ANK3: variants seen among roughly 807,000 people sequenced by gnomAD.
ANK3 encodes ankyrin-3.
In ANK3, 57 loss-of-function variants were observed where a neutral mutation model predicts 370.9. The ratio of observed to expected loss-of-function variants is 0.15; its 90% CI spans 0.12 to 0.19. ANK3 has a LOEUF of 0.19. Ranked by LOEUF, ANK3 falls within the 10% of genes least tolerant of loss-of-function variation. ANK3 has a pLI of 1.00. For synonymous variants in ANK3, 1,929 were observed against 1,946.3 expected (o/e 0.99, Z 0.23); for missense variants, 4,439 against 5,302.1 (o/e 0.84, Z 5.06).
rs1243830436 is a variant in ANK3 at position 60,205,780 on chromosome 10, A to G, written c.1293+12T>C. 6.2e-7 allele frequency: 1 copy of G among 1,600,248 alleles called. No individual in the cohort carries two copies. Among genetic ancestry groups the G allele is most frequent in the African/African-American group, 1.3e-5 (1 of 74,636 alleles). Reference sequence around the variant, plus strand: ...GTATCTCAGGACTCCCAGAAATCTTAACTCTTCTCACCTCGGTTACAGCTT... The same window carrying G: ...GTATCTCAGGACTCCCAGAAATCTTGACTCTTCTCACCTCGGTTACAGCTT... On this transcript the variant is annotated intron_variant, in intron 11 of 43. Coordinates refer to ENST00000280772, the MANE Select transcript of ANK3 (RefSeq NM_020987.5).
rs1490408056 is a variant in ANK3 at position 60,055,710 on chromosome 10, T to G, written c.13013A>C (p.Lys4338Thr). The G allele has an allele frequency of 1.2e-6, 2 of 1,613,988 alleles. No homozygotes were observed. Among genetic ancestry groups the G allele is most frequent in the African/African-American group, 2.7e-5 (2 of 74,934 alleles). Residue 4338 changes from lysine (K) to threonine (T), a missense_variant, in exon 42 of 44, where the codon AAG becomes ACG. This residue lies in a region of ANK3 where 242 missense variants were observed against 228.0 expected (regional missense o/e 1.06). Transcript: ENST00000280772. ...TTCTTCATGGAGGCTAAGCCTTGGC[T>G]TGCCATCTGCTGGAGAAGTCCTACT... ...KMSRTSPADG[K>T]PRLSLHEEEG...
At chr10:60,329,056 A>G (rs1430412507) in intron 1 of ANK3, among the ~76,000 whole-genome samples, 2 of 152,240 alleles carry the variant, frequency 1.3e-5, no homozygotes, top group Non-Finnish European at 2.9e-5. Flanking sequence ...CAATAGATGC[A>G]GAAAAGGCCT....
intron 27 of ANK3, among the ~76,000 whole-genome samples, chr10:60,107,869 G>T (rs975891123): frequency 6.6e-6 from 1 of 152,174 alleles, no homozygotes; most frequent in Non-Finnish European, 1.5e-5. Flanking sequence ...GACTTTTGCT[G>T]TCTTAAAAAG....
intron 1 of ANK3, among the ~76,000 whole-genome samples, chr10:60,291,965 T>A (rs1411742855): frequency 6.6e-6 from 1 of 152,200 alleles, no homozygotes. Flanking sequence ...CCACCCATCT[T>A]GGCCTCCCAA....
At chr10:60,646,272 A>G (rs1433490048) in intron 1 of ANK3, among the ~76,000 whole-genome samples, 1 of 152,222 alleles carries the variant, frequency 6.6e-6, no homozygotes, top group Non-Finnish European at 1.5e-5. Flanking sequence ...GGTGTTAAGG[A>G]CTTGGGACTT....
At chr10:60,134,775 T>G (rs550562162) in intron 24 of ANK3, among the ~76,000 whole-genome samples, 4 of 152,346 alleles carry the variant, frequency 2.6e-5, no homozygotes, top group African/African-American at 9.6e-5. Flanking sequence ...ATAAGAATTA[T>G]GTCTACTTTA....
At chr10:60,515,134 A>G (rs1231985994) in intron 2 of ANK3, among the ~76,000 whole-genome samples, 1 of 152,172 alleles carries the variant, frequency 6.6e-6, no homozygotes, top group African/African-American at 2.4e-5. Context: ...TATATAGGTA[A>G]TGTGTTATAT....
intron 1 of ANK3, among the ~76,000 whole-genome samples, chr10:60,323,680 A>G (rs2049165710): frequency 2.0e-5 from 3 of 152,222 alleles, no homozygotes; most frequent in Admixed American, 2.0e-4. Context: ...TGGACAAGGG[A>G]TATCACCTAA....
At chr10:60,498,676 A>G (rs565568969) in intron 2 of ANK3, among the ~76,000 whole-genome samples, 49 of 152,278 alleles carry the variant, frequency 3.2e-4, no homozygotes, top group Non-Finnish European at 6.0e-4. Flanking sequence ...CTGCCTTGAT[A>G]ATATTATAGC....
chr10:60,105,381 C>A (rs1460192738), intron 28 of ANK3, among the ~76,000 whole-genome samples: 1 of 151,944 alleles, frequency 6.6e-6, no homozygotes, highest in Non-Finnish European at 1.5e-5. Flanking sequence ...CTTACTAGGT[C>A]AAAGAATGAG....
intron 18 of ANK3, among the ~76,000 whole-genome samples, chr10:60,173,933 C>T (rs1034713668): frequency 6.6e-6 from 1 of 151,988 alleles, no homozygotes; most frequent in Non-Finnish European, 1.5e-5. Context: ...TAAGGATATT[C>T]CAGATCCTTC....
At chr10:60,125,902 A>G (rs1281603378) in intron 25 of ANK3, among the ~76,000 whole-genome samples, 1 of 152,224 alleles carries the variant, frequency 6.6e-6, no homozygotes, top group East Asian at 1.9e-4. Flanking sequence ...TACACATTAT[A>G]TGACTAAATG....
intron 2 of ANK3, among the ~76,000 whole-genome samples, chr10:60,434,647 A>C (rs1401248383): frequency 1.3e-5 from 2 of 152,248 alleles, no homozygotes; most frequent in African/African-American, 4.8e-5. Flanking sequence ...ATTCAGAGAA[A>C]ACAACCAGAC....
chr10:60,474,374 C>T (rs1241003801), intron 2 of ANK3, among the ~76,000 whole-genome samples: 1 of 151,938 alleles, frequency 6.6e-6, no homozygotes, highest in Non-Finnish European at 1.5e-5. Context: ...GAGGGCAGGA[C>T]CAACATTCTT....
intron 1 of ANK3, among the ~76,000 whole-genome samples, chr10:60,704,102 T>G (rs895127293): frequency 6.6e-6 from 1 of 152,216 alleles, no homozygotes; most frequent in Non-Finnish European, 1.5e-5. Flanking sequence ...AGAGGCTATG[T>G]TCTCAGCCCT....
At chr10:60,656,761 C>A (rs894910729) in intron 1 of ANK3, among the ~76,000 whole-genome samples, 5 of 149,444 alleles carry the variant, frequency 3.3e-5, no homozygotes, top group African/African-American at 1.2e-4. Flanking sequence ...TATCTAATTT[C>A]TTTTTTTTTT....
rs559503636 is a variant in ANK3 at position 60,503,450 on chromosome 10, A to G, written c.96+111736T>C. On this transcript the variant is annotated intron_variant, in intron 2 of 43. Transcript: ENST00000373827. ...CCCATAAGGCCAAGGTCTATTATTA[A>G]TACCATTTTACAGATTCAGAAACTG... 5.9e-5 allele frequency among the ~76,000 whole-genome samples: 9 copies of G among 152,300 alleles called. No homozygotes were observed. In the East Asian group the frequency reaches 1.7e-3, roughly 29 times the overall value.
chr10:60,562,198 GT>G (rs1256297525), intron 2 of ANK3, among the ~76,000 whole-genome samples: 1 of 152,202 alleles, frequency 6.6e-6, no homozygotes, highest in Non-Finnish European at 1.5e-5. Context: ...TGAGTTAGAA[GT>G]GAAAGATGAA....
At position 60,220,964 on chromosome 10, in the gene ANK3, A is replaced by G. The variant is rs549918117; in HGVS notation, c.898-7454T>C. ...TGAAAATTATCTTCCACAAAGCAAA[A>G]TGCTACATACTGAATGCAAAGTGTT... On this transcript the variant is annotated intron_variant, in intron 8 of 43. Coordinates refer to ENST00000280772, the MANE Select transcript of ANK3 (RefSeq NM_020987.5). Among the ~76,000 whole-genome samples the G allele has an allele frequency of 2.0e-5, 3 of 152,308 alleles. No individual in the cohort carries two copies. The South Asian group carries it at 6.2e-4, about 32-fold the overall frequency.
Sources: gnomAD v4.1 joint callset for allele counts (sites outside exome capture counted in the v4.1 genomes callset) on GRCh38, gnomAD v4.1.1 for gene constraint, gnomAD v4.1.1 regional missense constraint, MANE v1.5 for transcripts, NCBI Gene and HGNC (gene_info 2026-07-23, HGNC 2026-07-21) for gene names.